MTHFD2L: variants seen among roughly 807,000 people sequenced by gnomAD.
The protein encoded by MTHFD2L is bifunctional methylenetetrahydrofolate dehydrogenase/cyclohydrolase 2, mitochondrial.
In MTHFD2L, 29 loss-of-function variants were observed where a neutral mutation model predicts 34.9. The ratio of observed to expected loss-of-function variants is 0.83; its 90% CI spans 0.62 to 1.13. The LOEUF (loss-of-function observed/expected upper bound fraction) is 1.13, where lower values mean the gene tolerates loss of function less well. Ranked by LOEUF, MTHFD2L falls within the 50% of genes most tolerant of loss-of-function variation. The probability of loss-of-function intolerance (pLI) is 0.00; values close to 1 mark genes in which losing one functional copy is unlikely to be tolerated. For missense variants in MTHFD2L, 481 were observed against 446.5 expected, an observed-to-expected ratio of 1.08 and a Z score of -0.70; for synonymous variants, 167 against 155.7, an observed-to-expected ratio of 1.07 and a Z score of -0.54.
intron 6 of MTHFD2L, among the ~76,000 whole-genome samples, chr4:74,269,156 A>C (rs547531310): frequency 6.6e-6 from 1 of 152,256 alleles, no homozygotes; most frequent in East Asian, 1.9e-4. Context: ...TCCCAAGGAG[A>C]CTGTTTTACT....
At chr4:74,181,483 G>T (rs540573182) in intron 3 of MTHFD2L, among the ~76,000 whole-genome samples, 12 of 152,148 alleles carry the variant, frequency 7.9e-5, no homozygotes, top group African/African-American at 2.7e-4. Context: ...CACTCAGTGA[G>T]TAAGTACCAG....
chr4:74,292,611 G>A (rs1749097740), intron 7 of MTHFD2L, among the ~76,000 whole-genome samples: 1 of 152,100 alleles, frequency 6.6e-6, no homozygotes, highest in Non-Finnish European at 1.5e-5. Flanking sequence ...ACAATGACAA[G>A]AGTGTATGAT....
intron 3 of MTHFD2L, among the ~76,000 whole-genome samples, chr4:74,190,246 T>G (rs1732227418): frequency 6.6e-6 from 1 of 152,164 alleles, no homozygotes; most frequent in Non-Finnish European, 1.5e-5. Context: ...TACCAAGGGC[T>G]CAATAAACCA....
intron 6 of MTHFD2L, among the ~76,000 whole-genome samples, chr4:74,244,618 G>A (rs976025509): frequency 6.6e-6 from 1 of 152,146 alleles, no homozygotes; most frequent in African/African-American, 2.4e-5. Flanking sequence ...TCAATGAAAT[G>A]CTATTTTCCA....
chr4:74,252,964 G>T (rs1743518021), intron 6 of MTHFD2L, among the ~76,000 whole-genome samples: 1 of 151,984 alleles, frequency 6.6e-6, no homozygotes, highest in Non-Finnish European at 1.5e-5. Context: ...GAATTTATAA[G>T]GGGTAAGGAG....
At chr4:74,149,199 G>C (rs1723783192) in intron 1 of MTHFD2L, among the ~76,000 whole-genome samples, 1 of 151,718 alleles carries the variant, frequency 6.6e-6, no homozygotes. Flanking sequence ...AGTTTCAGTG[G>C]TTTCCTGCTG....
chr4:74,158,248 G>T lies in MTHFD2L; in HGVS notation c.110G>T (p.Ser37Ile). Residue 37 changes from serine to isoleucine, a missense_variant, in exon 1 of 8, where the codon AGT (serine) becomes ATT (isoleucine). By Grantham distance (142) the Ser-to-Ile change is moderately radical. Coordinates refer to ENST00000325278, the MANE Select transcript of MTHFD2L (RefSeq NM_001144978.3). ...PSVRAPGEPG[S>I]AFRGFRSSGV... ...GTAAGGGCACCGGGAGAGCCCGGGAGTGCGTTCCGGGGCTTTCGGAGCAGC... is the reference window on the plus strand; with the variant it reads ...GTAAGGGCACCGGGAGAGCCCGGGATTGCGTTCCGGGGCTTTCGGAGCAGC... The T allele has an allele frequency of 1.4e-6, 2 of 1,474,316 alleles. No homozygotes were observed. The highest frequency in any genetic ancestry group is 9.0e-7 in the Non-Finnish European group (1 of 1,114,352). The allele number at this position is 1,474,316 out of a possible 1,614,324, so 91.3% of individuals were successfully genotyped here.
chr4:74,128,573 T>A (rs1034146874), intron 1 of MTHFD2L, among the ~76,000 whole-genome samples: 2 of 152,154 alleles, frequency 1.3e-5, no homozygotes, highest in African/African-American at 4.8e-5. Flanking sequence ...TCCATTAGTG[T>A]ACATGTCTGT....
At chr4:74,244,040 G>C (rs561891439) in intron 6 of MTHFD2L, among the ~76,000 whole-genome samples, 1 of 152,198 alleles carries the variant, frequency 6.6e-6, no homozygotes, top group Non-Finnish European at 1.5e-5. Flanking sequence ...GCCTGTGGGA[G>C]AAAATGCCAC....
intron 5 of MTHFD2L, among the ~76,000 whole-genome samples, chr4:74,206,158 C>G (rs554021785): frequency 2.6e-5 from 4 of 151,524 alleles, no homozygotes; most frequent in Non-Finnish European, 5.9e-5. Flanking sequence ...AGGGAAGCAG[C>G]CAGATTTCTA....
chr4:74,188,228 T>C (rs1731713485), intron 3 of MTHFD2L, among the ~76,000 whole-genome samples: 1 of 152,218 alleles, frequency 6.6e-6, no homozygotes, highest in African/African-American at 2.4e-5. Flanking sequence ...TACCATGGAA[T>C]GAGAGGCTTA....
At position 74,165,074 on chromosome 4, in the gene MTHFD2L, A is replaced by G. The variant is rs1008590929; in HGVS notation, c.143+6793A>G. ...TTTTGGCCAAACTAGCACATTTTTTAGAGTAAAAAGGGGCACGAATGTAAT... is the reference window on the plus strand; with the variant it reads ...TTTTGGCCAAACTAGCACATTTTTTGGAGTAAAAAGGGGCACGAATGTAAT... On this transcript the variant is annotated intron_variant, in intron 1 of 7. Transcript: ENST00000325278. The G allele has an allele frequency of 7.1e-6, 5 of 707,896 alleles. No individual in the cohort carries two copies. The African/African-American group carries it at 9.7e-5, about 14-fold the overall frequency. The allele number at this position is 707,896 out of a possible 1,614,324, so 43.9% of individuals were successfully genotyped here. A position where few individuals can be genotyped will look rare whatever the true frequency, so the allele number is the denominator to read the frequency against.
intron 7 of MTHFD2L, among the ~76,000 whole-genome samples, chr4:74,294,451 G>A (rs185273533): frequency 1.3e-5 from 2 of 152,184 alleles, no homozygotes; most frequent in Admixed American, 1.3e-4. Flanking sequence ...GAACACACCA[G>A]CTGGAGACAC....
intron 6 of MTHFD2L, among the ~76,000 whole-genome samples, chr4:74,278,211 G>C (rs980407222): frequency 6.6e-6 from 1 of 152,122 alleles, no homozygotes; most frequent in Admixed American, 6.6e-5. Context: ...CCCTAGACCA[G>C]CCTCCGAAGT....
intron 3 of MTHFD2L, among the ~76,000 whole-genome samples, chr4:74,189,494 T>C (rs1297399803): frequency 3.2e-4 from 48 of 148,138 alleles, no homozygotes; most frequent in Admixed American, 4.0e-4. Context: ...CCTTTTTTTT[T>C]TTTTTTTTTT....
intron 6 of MTHFD2L, among the ~76,000 whole-genome samples, chr4:74,255,859 C>T (rs1175175435): frequency 6.6e-6 from 1 of 152,088 alleles, no homozygotes; most frequent in Non-Finnish European, 1.5e-5. Context: ...GTGTACCATT[C>T]CATGGTGTAT....
chr4:74,183,415 G>C (rs75414427), intron 3 of MTHFD2L: 3,415 of 152,278 alleles, frequency 0.022, 117 homozygotes, highest in African/African-American at 0.076. Context: ...TGTAATCCCT[G>C]CCCTTGTGGG....
intron 7 of MTHFD2L, among the ~76,000 whole-genome samples, chr4:74,285,455 T>G (rs944457784): frequency 7.2e-5 from 11 of 152,144 alleles, no homozygotes; most frequent in African/African-American, 2.7e-4. Flanking sequence ...AATAAAACAC[T>G]TCAGTTCTCA....
At chr4:74,167,957 A>G (rs1727102073) in intron 1 of MTHFD2L, among the ~76,000 whole-genome samples, 2 of 151,926 alleles carry the variant, frequency 1.3e-5, no homozygotes, top group African/African-American at 2.4e-5. Flanking sequence ...CAAGGGTTCC[A>G]CTCTCAAAAT....
Sources: gnomAD v4.1 joint callset for allele counts (sites outside exome capture counted in the v4.1 genomes callset) on GRCh38, gnomAD v4.1.1 for gene constraint, MANE v1.5 for transcripts, NCBI Gene and HGNC (gene_info 2026-07-23, HGNC 2026-07-21) for gene names.